Variants in TBC1D22A observed in about 807,000 individuals in gnomAD.
TBC1D22A encodes the protein TBC1 domain family member 22A.
Under a neutral mutation model 60.2 loss-of-function variants are expected in TBC1D22A, and 38 were observed. The ratio of observed to expected loss-of-function variants is 0.63; its 90% CI spans 0.49 to 0.83. TBC1D22A has a LOEUF of 0.83. Ranked by LOEUF, TBC1D22A falls within the 40% of genes least tolerant of loss-of-function variation. The pLI, the probability that TBC1D22A is intolerant of heterozygous loss-of-function variation, is 0.00. For missense variants in TBC1D22A, 628 were observed against 701.0 expected (o/e 0.90, Z 1.18); for synonymous variants, 302 against 281.7 (o/e 1.07, Z -0.72).
At chr22:46,886,269 C>T (rs1049879902) in intron 5 of TBC1D22A, among the ~76,000 whole-genome samples, 1 of 152,182 alleles carries the variant, frequency 6.6e-6, no homozygotes, top group Admixed American at 6.5e-5. Flanking sequence ...TATGGGAAAA[C>T]AGAGGCCAGG....
intron 4 of TBC1D22A, among the ~76,000 whole-genome samples, chr22:46,865,098 T>C (rs890253862): frequency 4.6e-5 from 7 of 152,112 alleles, no homozygotes; most frequent in African/African-American, 1.7e-4. Flanking sequence ...TCTCCCAACC[T>C]CCATTGGCTC....
At chr22:47,135,607 G>T (rs1230918265) in intron 12 of TBC1D22A, among the ~76,000 whole-genome samples, 2 of 152,220 alleles carry the variant, frequency 1.3e-5, no homozygotes, top group African/African-American at 4.8e-5. Flanking sequence ...AGGATGAGGG[G>T]CCTCGAGGCC....
intron 4 of TBC1D22A, among the ~76,000 whole-genome samples, chr22:46,809,396 G>A (rs1302589706): frequency 6.6e-6 from 1 of 152,158 alleles, no homozygotes; most frequent in African/African-American, 2.4e-5. Flanking sequence ...CCTCGTTATA[G>A]TCCCTGTCTC....
chr22:47,111,956 G>A (rs1429200623), intron 12 of TBC1D22A, among the ~76,000 whole-genome samples: 1 of 152,246 alleles, frequency 6.6e-6, no homozygotes, highest in East Asian at 1.9e-4. Context: ...CACGTGGACT[G>A]TGATGCTTTA....
intron 12 of TBC1D22A, among the ~76,000 whole-genome samples, chr22:47,161,292 C>G (rs761738): frequency 0.67 from 101,425 of 152,080 alleles, 34,555 homozygotes; most frequent in African/African-American, 0.79. Context: ...TGGCGACTGT[C>G]GGGGGCGGTC....
At chr22:47,064,163 G>A (rs919072788) in intron 11 of TBC1D22A, among the ~76,000 whole-genome samples, 5 of 152,244 alleles carry the variant, frequency 3.3e-5, no homozygotes, top group African/African-American at 1.2e-4. Context: ...GTGGAGCAGG[G>A]CTGATGCGTT....
chr22:47,099,090 A>C lies in TBC1D22A; in HGVS notation c.1330-12418A>C, dbSNP rs574533440. On this transcript the variant is annotated intron_variant, in intron 11 of 12. Coordinates refer to ENST00000337137, the MANE Select transcript of TBC1D22A (RefSeq NM_014346.5). ...GGGGTCCCAATGCCAAGGCTGCTGC[A>C]GAGGTGAAAGTTCCACCCTCAGAAA... Among the ~76,000 whole-genome samples, 29 of 152,354 alleles carry C rather than the reference A, an allele frequency of 1.9e-4. No homozygotes were observed. In the South Asian group the frequency reaches 6.0e-3, roughly 32 times the overall value.
At chr22:46,904,936 G>A (rs1024009497) in intron 7 of TBC1D22A, among the ~76,000 whole-genome samples, 15 of 151,856 alleles carry the variant, frequency 9.9e-5, no homozygotes, top group African/African-American at 2.9e-4. Context: ...CACCATGCCC[G>A]GCTAATTTTT....
Position 46,927,131 on chromosome 22 carries a change from T to G in TBC1D22A, c.1015+14943T>G, listed in dbSNP as rs79721529. Among the ~76,000 whole-genome samples, 923 of 152,264 alleles carry G rather than the reference T, an allele frequency of 6.1e-3. 21 individuals are homozygous for G. The highest frequency in any genetic ancestry group is 0.042 in the East Asian group (217 of 5,182). On this transcript the variant is annotated intron_variant, in intron 8 of 12. Coordinates refer to ENST00000337137, the MANE Select transcript of TBC1D22A (RefSeq NM_014346.5). ...GGCCGATATTACTCTGAGACCAAAGTGAGATGAAGACATAACAAGGAAAGA... is the reference window on the plus strand; with the variant it reads ...GGCCGATATTACTCTGAGACCAAAGGGAGATGAAGACATAACAAGGAAAGA...
chr22:47,057,004 C>T (rs1262977177), intron 11 of TBC1D22A, among the ~76,000 whole-genome samples: 1 of 152,202 alleles, frequency 6.6e-6, no homozygotes, highest in Non-Finnish European at 1.5e-5. Context: ...CTGCCTAGGC[C>T]CAGCCACTCA....
At chr22:47,085,097 A>G (rs943081777) in intron 11 of TBC1D22A, among the ~76,000 whole-genome samples, 1 of 152,202 alleles carries the variant, frequency 6.6e-6, no homozygotes. Flanking sequence ...CCTGGCCAAC[A>G]TGATGAAACT....
At chr22:47,159,992 CCACA>C (rs1423528909) in intron 12 of TBC1D22A, among the ~76,000 whole-genome samples, 1 of 151,724 alleles carries the variant, frequency 6.6e-6, no homozygotes, top group African/African-American at 2.4e-5. Context: ...CACACACACC[CCACA>C]CACACACTGC....
chr22:47,076,361 G>GTATATATATATATATA (rs769322904), intron 11 of TBC1D22A, among the ~76,000 whole-genome samples: 1,069 of 100,206 alleles, frequency 0.011, 3 homozygotes, highest in East Asian at 0.026. Context: ...ATATGTGTGT[G>GTATATATATATATATA]TATATATATA....
In TBC1D22A at chr22:47,104,553, G is replaced by C. The variant is rs575099591; in HGVS notation, c.1330-6955G>C. Among the ~76,000 whole-genome samples the C allele has an allele frequency of 3.9e-5, 6 of 151,924 alleles. No homozygotes were observed. The East Asian group carries it at 9.7e-4, about 25-fold the overall frequency. ...CTACTGAAAATACAAAAATTAGCTG[G>C]GCATGATGGCACATGCCTGTAATCC... On this transcript the variant is annotated intron_variant, in intron 11 of 12. Transcript: ENST00000337137.
intron 11 of TBC1D22A, among the ~76,000 whole-genome samples, chr22:47,049,112 G>C (rs1359178450): frequency 1.3e-5 from 2 of 152,220 alleles, no homozygotes; most frequent in Non-Finnish European, 2.9e-5. Flanking sequence ...CGCTCCACCT[G>C]GGTCCCCAGT....
At chr22:46,834,054 A>G (rs1300483789) in intron 4 of TBC1D22A, among the ~76,000 whole-genome samples, 2 of 151,996 alleles carry the variant, frequency 1.3e-5, no homozygotes, top group African/African-American at 4.8e-5. Flanking sequence ...TCTTATTTAA[A>G]TTGTATTTGG....
intron 4 of TBC1D22A, among the ~76,000 whole-genome samples, chr22:46,845,529 T>A (rs2086951800): frequency 6.6e-6 from 1 of 152,218 alleles, no homozygotes; most frequent in African/African-American, 2.4e-5. Flanking sequence ...GAGCTGGAGA[T>A]CCACGAACCT....
intron 11 of TBC1D22A, among the ~76,000 whole-genome samples, chr22:47,075,222 CAAAAA>C (rs386395628): frequency 0.015 from 1,682 of 114,110 alleles, 79 homozygotes; most frequent in African/African-American, 0.056. Context: ...GATTCCGTCT[CAAAAA>C]AAAAAAAAAG....
chr22:47,072,395 T>A (rs541809311), intron 11 of TBC1D22A, among the ~76,000 whole-genome samples: 2 of 152,264 alleles, frequency 1.3e-5, no homozygotes, highest in Non-Finnish European at 2.9e-5. Context: ...GTGCTTCTGG[T>A]CGCAGCCTCC....
Sources: allele counts gnomAD v4.1 joint callset (sites outside exome capture counted in the v4.1 genomes callset), GRCh38; gene constraint gnomAD v4.1.1; transcripts MANE v1.5; gene names NCBI Gene and HGNC (gene_info 2026-07-23, HGNC 2026-07-21).